The following SORT1 variants were observed in gnomAD, a reference collection of about 807,000 sequenced individuals.
SORT1 encodes sortilin.
In SORT1, 39 loss-of-function variants were observed where a neutral mutation model predicts 101.7. The observed-to-expected ratio is 0.38, with a 90% CI of 0.30 to 0.50. SORT1 has a LOEUF of 0.50. SORT1 is among the 20% of genes least tolerant of loss of function. SORT1 has a pLI of 0.90. For synonymous variants in SORT1, 396 were observed against 393.7 expected (o/e 1.01, Z -0.07); for missense variants, 878 against 1,040.4 (o/e 0.84, Z 2.15).
At chr1:109,358,079 G>A (rs1650452835) in intron 3 of SORT1, among the ~76,000 whole-genome samples, 1 of 152,014 alleles carries the variant, frequency 6.6e-6, no homozygotes, top group Non-Finnish European at 1.5e-5. Context: ...TAAGAACTTG[G>A]CACAACAAAC....
intron 1 of SORT1, among the ~76,000 whole-genome samples, chr1:109,391,457 T>G (rs542207363): frequency 5.3e-5 from 8 of 152,330 alleles, no homozygotes; most frequent in African/African-American, 1.9e-4. Context: ...CAAAACTTCT[T>G]GTGCTGTAGA....
chr1:109,345,873 G>A lies in SORT1; in HGVS notation c.841C>T (p.Leu281Phe), dbSNP rs1649550733. The A allele has an allele frequency of 6.2e-7, 1 of 1,611,516 alleles. No homozygotes were observed. Among genetic ancestry groups the A allele is most frequent in the African/African-American group, 1.3e-5 (1 of 74,662 alleles). Residue 281 changes from leucine (L) to phenylalanine (F), a missense_variant, in exon 8 of 20, where the codon CTT (leucine) becomes TTT (phenylalanine). Leu to Phe is a conservative substitution (Grantham distance 22). Transcript: ENST00000256637. ...TYANGSCKADLGALELWRTSD... is the reference protein window; with the variant it reads ...TYANGSCKADFGALELWRTSD... Reference sequence around the variant, plus strand: ...GTTCTCCATAATTCCAGAGCCCCAAGGTCAGCTTCTTAAACAAGACAAAAT... The same window carrying A: ...GTTCTCCATAATTCCAGAGCCCCAAAGTCAGCTTCTTAAACAAGACAAAAT...
At chr1:109,329,488 C>T (rs1437207534) in intron 11 of SORT1, among the ~76,000 whole-genome samples, 2 of 152,150 alleles carry the variant, frequency 1.3e-5, no homozygotes, top group East Asian at 1.9e-4. Flanking sequence ...TTCCTGACCT[C>T]GTGATCCGCC....
At chr1:109,369,656 A>G in intron 1 of SORT1, 67 bp from the exon 2 acceptor site, 3 of 1,022,432 alleles carry the variant, frequency 2.9e-6, no homozygotes, top group Non-Finnish European at 4.7e-6. Context: ...GCTTCTTTAA[A>G]TATCTGAACT....
At chr1:109,331,942 T>TA (rs1032588553) in intron 11 of SORT1, among the ~76,000 whole-genome samples, 3,899 of 82,092 alleles carry the variant, frequency 0.047, 166 homozygotes, top group African/African-American at 0.15. Context: ...GAAAAAAACT[T>TA]AAAAAAAAAA....
intron 14 of SORT1, among the ~76,000 whole-genome samples, chr1:109,323,429 CTG>C (rs1369136616): frequency 6.6e-6 from 1 of 152,234 alleles, no homozygotes; most frequent in Non-Finnish European, 1.5e-5. Flanking sequence ...TAAGAGGCTG[CTG>C]TGTGTGTCTT....
chr1:109,394,887 C>T (rs1268623395), intron 1 of SORT1, among the ~76,000 whole-genome samples: 4 of 152,166 alleles, frequency 2.6e-5, no homozygotes, highest in Admixed American at 2.6e-4. Context: ...ATGTACCTTC[C>T]TTCCCCAGTT....
chr1:109,346,205 C>T lies in SORT1; in HGVS notation c.833-324G>A, dbSNP rs967072099. ...GTGGGCGCCTGTAGTCCCAGCTACT[C>T]GGGAGGCTGAGGCAGGAGAATGGCG... On this transcript the variant is annotated intron_variant, in intron 7 of 19. Coordinates refer to ENST00000256637, the MANE Select transcript of SORT1 (RefSeq NM_002959.7). Among the ~76,000 whole-genome samples the T allele has an allele frequency of 3.3e-5, 5 of 150,538 alleles. No individual in the cohort carries two copies. The East Asian group carries it at 9.8e-4, about 30-fold the overall frequency.
At chr1:109,381,159 G>A (rs1309308627) in intron 1 of SORT1, among the ~76,000 whole-genome samples, 1 of 152,034 alleles carries the variant, frequency 6.6e-6, no homozygotes, top group African/African-American at 2.4e-5. Flanking sequence ...CCTATTCTTA[G>A]GAATTTGTCA....
chr1:109,368,221 G>T (rs1451642615), intron 2 of SORT1, among the ~76,000 whole-genome samples: 1 of 150,854 alleles, frequency 6.6e-6, no homozygotes, highest in Admixed American at 6.6e-5. Context: ...TTGAACCTGG[G>T]AGGTGGACGT....
rs576720304 is a variant in SORT1 at position 109,313,487 on chromosome 1, G to A, written c.*556C>T. 1 of 153,400 alleles carries A rather than the reference G, an allele frequency of 6.5e-6. No individual in the cohort carries two copies. Among genetic ancestry groups the A allele is most frequent in the South Asian group, 2.1e-4 (1 of 4,864 alleles). 9.5% of individuals were successfully genotyped at this position (153,400 alleles called of 1,614,324 possible). A position where few individuals can be genotyped will look rare whatever the true frequency, so the allele number is the denominator to read the frequency against. ...TGAAAAAAAAAAAAAGAGTAAGTGG[G>A]ATCTGTGTGAGGAGCTGGTGTGCAG... On this transcript the variant is annotated 3_prime_UTR_variant, in exon 20 of 20. Coordinates refer to ENST00000256637, the MANE Select transcript of SORT1 (RefSeq NM_002959.7).
intron 1 of SORT1, among the ~76,000 whole-genome samples, chr1:109,387,719 G>A (rs1411309547): frequency 2.0e-5 from 3 of 152,246 alleles, no homozygotes; most frequent in African/African-American, 2.4e-5. Flanking sequence ...CTTTGGGGCC[G>A]AGGTGGGTGG....
intron 3 of SORT1, among the ~76,000 whole-genome samples, chr1:109,362,086 G>C (rs547706413): frequency 6.6e-6 from 1 of 152,106 alleles, no homozygotes; most frequent in Non-Finnish European, 1.5e-5. Flanking sequence ...GAGGAAATAC[G>C]AGTATATGAG....
Position 109,342,099 on chromosome 1 carries a change from C to G in SORT1, c.1023G>C (p.Gln341His). ...TDQGDTWSMA[Q>H]LPSVGQEQFY... Reference sequence around the variant, plus strand: ...ACTGTTCCTGTCCCACGGAGGGGAGCTGGGCCATGCTCCATGTGTCCCCTT... The same window carrying G: ...ACTGTTCCTGTCCCACGGAGGGGAGGTGGGCCATGCTCCATGTGTCCCCTT... Residue 341 changes from glutamine to histidine, a missense_variant, in exon 9 of 20, where the codon CAG becomes CAC. Gln to His is a conservative substitution (Grantham distance 24, BLOSUM62 0). Coordinates refer to ENST00000256637, the MANE Select transcript of SORT1 (RefSeq NM_002959.7). The G allele has an allele frequency of 6.2e-7, 1 of 1,612,846 alleles. No individual in the cohort carries two copies.
At chr1:109,322,435 G>A (rs1647695386) in intron 15 of SORT1, among the ~76,000 whole-genome samples, 2 of 151,998 alleles carry the variant, frequency 1.3e-5, no homozygotes, top group Non-Finnish European at 2.9e-5. Context: ...TGTCTAATAC[G>A]TGCTATCTGT....
chr1:109,354,274 A>G lies in SORT1; in HGVS notation c.708+93T>C, dbSNP rs897235660. 8 of 915,964 alleles carry G rather than the reference A, an allele frequency of 8.7e-6. No homozygotes were observed. The Admixed American group carries it at 1.3e-4, about 15-fold the overall frequency. 56.7% of individuals were successfully genotyped at this position (915,964 alleles called of 1,614,324 possible). The stretch of plus-strand genomic sequence containing the variant: ...CATAAGGAGACTTGAAAGAAGTCCA[A>G]TATTAAAAGCATTTCCTAAAGGATC... On this transcript the variant is annotated intron_variant, in intron 5 of 19. Coordinates refer to ENST00000256637, the MANE Select transcript of SORT1 (RefSeq NM_002959.7).
Position 109,342,180 on chromosome 1 carries a change from ATCTT to A in SORT1, c.964-26_964-23del, listed in dbSNP as rs779627122. 6.3e-6 allele frequency: 10 copies of A among 1,587,552 alleles called. No homozygotes were observed. In the African/African-American group the frequency reaches 1.2e-4, roughly 19 times the overall value. Reference sequence around the variant, plus strand: ...TATCCTAGAACAGATGTCAATATTTATCTTTCTAATTTTCTGCCAAGATGCCATG... The same window carrying A: ...TATCCTAGAACAGATGTCAATATTTATCTAATTTTCTGCCAAGATGCCATG... On this transcript the variant is annotated intron_variant, in intron 8 of 19. Coordinates refer to ENST00000256637, the MANE Select transcript of SORT1 (RefSeq NM_002959.7).
At chr1:109,336,003 A>C (rs760928407) in intron 11 of SORT1, among the ~76,000 whole-genome samples, 1 of 152,238 alleles carries the variant, frequency 6.6e-6, no homozygotes, top group Non-Finnish European at 1.5e-5. Flanking sequence ...AGTGAACCAC[A>C]AATTGTTAGC....
chr1:109,357,545 C>A (rs1042366211), intron 3 of SORT1, among the ~76,000 whole-genome samples: 1 of 152,182 alleles, frequency 6.6e-6, no homozygotes, highest in African/African-American at 2.4e-5. Flanking sequence ...ACCTTTAGCC[C>A]TAAACTGGAG....
Sources: gnomAD v4.1 joint callset for allele counts (sites outside exome capture counted in the v4.1 genomes callset) on GRCh38, gnomAD v4.1.1 for gene constraint, MANE v1.5 for transcripts, NCBI Gene and HGNC (gene_info 2026-07-23, HGNC 2026-07-21) for gene names.